SESN3: variants seen among roughly 807,000 people sequenced by gnomAD.
SESN3 encodes sestrin 3.
A neutral mutation model predicts 55.3 loss-of-function variants in SESN3; 21 were observed. That is an observed-to-expected ratio of 0.38 (90% CI 0.27 to 0.55). SESN3 has a LOEUF of 0.55. SESN3 is among the 20% of genes least tolerant of loss of function. SESN3 has a pLI of 0.76. For missense variants in SESN3, 408 were observed against 604.3 expected, an observed-to-expected ratio of 0.68 and a Z score of 3.41; for synonymous variants, 181 against 203.1, an observed-to-expected ratio of 0.89 and a Z score of 0.93.
At position 95,172,911 on chromosome 11, in the gene SESN3, TG is replaced by T; in HGVS notation, c.*343del. 1.1e-5 allele frequency: 2 copies of T among 190,074 alleles called. No homozygotes were observed. Among genetic ancestry groups the T allele is most frequent in the Non-Finnish European group, 1.1e-5 (1 of 94,860 alleles). The allele number at this position is 190,074 out of a possible 1,614,324, so 11.8% of individuals were successfully genotyped here. On this transcript the variant is annotated 3_prime_UTR_variant, in exon 10 of 10. Coordinates refer to ENST00000536441, the MANE Select transcript of SESN3 (RefSeq NM_144665.4). ...TATTCTTAAAAAAAAAAGGGCGGGG[TG>T]GGGGGAGAAAAAATACACATACACA...
chr11:95,212,882 T>A (rs1301830290), intron 1 of SESN3, among the ~76,000 whole-genome samples: 1 of 152,228 alleles, frequency 6.6e-6, no homozygotes, highest in African/African-American at 2.4e-5. Context: ...TTTATCTCAA[T>A]GCATCTTTAA....
At chr11:95,226,257 C>T (rs1860946714) in intron 1 of SESN3, among the ~76,000 whole-genome samples, 2 of 152,158 alleles carry the variant, frequency 1.3e-5, no homozygotes, top group African/African-American at 4.8e-5. Flanking sequence ...CATTAACACA[C>T]ATCTATCTCT....
intron 1 of SESN3, among the ~76,000 whole-genome samples, chr11:95,224,672 A>T (rs1860917004): frequency 6.6e-6 from 1 of 152,210 alleles, no homozygotes; most frequent in Non-Finnish European, 1.5e-5. Flanking sequence ...GGAAGCTTTA[A>T]GGCTACTGGT....
In SESN3 at chr11:95,173,273, T is replaced by C; in HGVS notation, c.1461A>G (p.Ile487Met). The change falls in exon 10 of 10, where the codon ATA becomes ATG. Residue 487 changes from isoleucine to methionine, a missense_variant. This residue lies in a region of SESN3 where 121 missense variants were observed against 204.9 expected (regional missense o/e 0.59). Transcript: ENST00000536441. Reference protein sequence around the residue: ...QAELLYALRAITRHLT With the variant: ...QAELLYALRAMTRHLT ...TGATACTTCAGGTCAAATGCCGAGT[T>C]ATGGCACGAAGAGCATAAAGAAGTT... The C allele has an allele frequency of 6.3e-7, 1 of 1,578,906 alleles. No individual in the cohort carries two copies. Among genetic ancestry groups the C allele is most frequent in the Non-Finnish European group, 8.7e-7 (1 of 1,153,010 alleles).
intron 6 of SESN3, among the ~76,000 whole-genome samples, chr11:95,181,017 ATAGGT>A (rs1242508763): frequency 1.3e-5 from 2 of 152,142 alleles, no homozygotes; most frequent in Non-Finnish European, 2.9e-5. Context: ...AGGTAGTTTT[ATAGGT>A]TGCAAAGTTT....
chr11:95,207,916 C>T (rs1215180056), intron 1 of SESN3, among the ~76,000 whole-genome samples: 2 of 151,008 alleles, frequency 1.3e-5, no homozygotes, highest in Non-Finnish European at 3.0e-5. Flanking sequence ...TCAAGTGATC[C>T]ACCTGCCTGG....
At chr11:95,223,699 A>G (rs986763848) in intron 1 of SESN3, among the ~76,000 whole-genome samples, 6 of 152,314 alleles carry the variant, frequency 3.9e-5, no homozygotes, top group African/African-American at 9.6e-5. Flanking sequence ...TGTCAGTGGT[A>G]TTAAGCTTTT....
In SESN3 at chr11:95,175,517, T is replaced by A. The variant is rs1249266072; in HGVS notation, c.1373A>T (p.Gln458Leu). Residue 458 changes from glutamine (Q) to leucine (L), a missense_variant, in exon 9 of 10, where the codon CAG (glutamine) becomes CTG (leucine). Transcript: ENST00000536441. ...TKRMYDSYWR[Q>L]FKHSEKVHVN... Reference sequence around the variant, plus strand: ...ACGTACTTTTTCTGAGTGTTTGAACTGCCGCCAGTAACTATCATACATGCG... The same window carrying A: ...ACGTACTTTTTCTGAGTGTTTGAACAGCCGCCAGTAACTATCATACATGCG... The A allele has an allele frequency of 6.2e-7, 1 of 1,613,992 alleles. No individual in the cohort carries two copies. Among genetic ancestry groups the A allele is most frequent in the Middle Eastern group, 1.7e-4 (1 of 6,058 alleles).
chr11:95,230,683 C>A lies in SESN3; in HGVS notation c.78+100G>T. ...CTGCGGAGGGACGGTGCCCGGGGAT[C>A]CCTCTCAGCCTCCCCCAGTGCGCGC... On this transcript the variant is annotated intron_variant, in intron 1 of 9. Transcript: ENST00000536441. This position sits in a 1 kb window ranked among gnomAD's most constrained non-coding sequence, Gnocchi z 4.6. 5 of 797,156 alleles carry A rather than the reference C, an allele frequency of 6.3e-6. No individual in the cohort carries two copies. Among genetic ancestry groups the A allele is most frequent in the Non-Finnish European group, 6.1e-6 (3 of 491,262 alleles). The allele number at this position is 797,156 out of a possible 1,614,324, so 49.4% of individuals were successfully genotyped here. A position where few individuals can be genotyped will look rare whatever the true frequency, so the allele number is the denominator to read the frequency against.
In SESN3 at chr11:95,230,903, T is replaced by C. The variant is rs1861047572; in HGVS notation, c.-43A>G. 3.5e-6 allele frequency: 5 copies of C among 1,412,074 alleles called. No individual in the cohort carries two copies. Among genetic ancestry groups the C allele is most frequent in the Admixed American group, 2.6e-5 (1 of 39,078 alleles). 87.5% of individuals were successfully genotyped at this position (1,412,074 alleles called of 1,614,324 possible). A position where few individuals can be genotyped will look rare whatever the true frequency, so the allele number is the denominator to read the frequency against. ...AGGCGAGAGCGGGCGGAGGGCCGGG[T>C]CCGGGCTGTCACTGCGGCCACTGCA... On this transcript the variant is annotated 5_prime_UTR_variant, in exon 1 of 10. Coordinates refer to ENST00000536441, the MANE Select transcript of SESN3 (RefSeq NM_144665.4). This position sits in a 1 kb window ranked among gnomAD's most constrained non-coding sequence, Gnocchi z 4.6.
chr11:95,193,111 C>T (rs935165120), intron 2 of SESN3, among the ~76,000 whole-genome samples: 2 of 151,964 alleles, frequency 1.3e-5, no homozygotes, highest in Non-Finnish European at 2.9e-5. Flanking sequence ...TCGTCCTCAC[C>T]GAGATCAGCT....
chr11:95,221,970 G>T (rs1419069579), intron 1 of SESN3, among the ~76,000 whole-genome samples: 1 of 152,188 alleles, frequency 6.6e-6, no homozygotes, highest in Admixed American at 6.5e-5. Context: ...TTCATAGCTG[G>T]TTTGGGAGAC....
At chr11:95,231,203 G>A, upstream of SESN3, 1 of 407,280 alleles carries the variant, frequency 2.5e-6, no homozygotes, top group Non-Finnish European at 4.3e-6. Flanking sequence ...GCCTCAGTGC[G>A]GCCCCGCCTC....
rs1241633489 is a variant in SESN3, at chr11:95,184,294, A to C, written c.937+126T>G. 3.9e-5 allele frequency: 29 copies of C among 744,320 alleles called. No individual in the cohort carries two copies. In the East Asian group the frequency reaches 6.4e-4, roughly 16 times the overall value. The allele number at this position is 744,320 out of a possible 1,614,324, so 46.1% of individuals were successfully genotyped here. ...AAGCAATAGCATGAGGGTAAGATAG[A>C]AGAGGAGAACTAAATAAGAGAAAGA... On this transcript the variant is annotated intron_variant, in intron 6 of 9. Coordinates refer to ENST00000536441, the MANE Select transcript of SESN3 (RefSeq NM_144665.4).
At chr11:95,210,384 A>G (rs1411817531) in intron 1 of SESN3, among the ~76,000 whole-genome samples, 1 of 152,088 alleles carries the variant, frequency 6.6e-6, no homozygotes, top group Non-Finnish European at 1.5e-5. Context: ...TGTATATGGC[A>G]CTCTACCTTG....
chr11:95,227,893 A>G (rs2134274405), intron 1 of SESN3, among the ~76,000 whole-genome samples: 1 of 152,346 alleles, frequency 6.6e-6, no homozygotes, highest in East Asian at 1.9e-4. Context: ...TAACTTTACA[A>G]AATAAATAGA....
At chr11:95,196,790 G>T (rs780349724) in intron 1 of SESN3, among the ~76,000 whole-genome samples, 2 of 152,180 alleles carry the variant, frequency 1.3e-5, no homozygotes, top group African/African-American at 4.8e-5. Flanking sequence ...AGTTCTACCG[G>T]ACAGTGCTGC....
In SESN3 at chr11:95,191,483, G is replaced by T. The variant is rs755870099; in HGVS notation, c.263C>A (p.Ser88Tyr). The T allele has an allele frequency of 6.2e-7, 1 of 1,613,052 alleles. No homozygotes were observed. Among genetic ancestry groups the T allele is most frequent in the South Asian group, 1.1e-5 (1 of 91,066 alleles). Residue 88 changes from serine (S) to tyrosine (Y), a missense_variant, in exon 3 of 10, where the codon TCT becomes TAT. Physicochemically the swap from Ser to Tyr is moderately radical, Grantham distance 144. This residue lies in a region of SESN3 where 107 missense variants were observed against 211.3 expected (regional missense o/e 0.51). Transcript: ENST00000536441. The part of the protein sequence containing the change: ...VMSLHTQYLE[S>Y]FLRSQFYMLR... ...CATGTAAAACTGGCTCCGCAAGAAA[G>T]ACTCCAGGTACTGAGTGTGTAAACT...
chr11:95,218,353 T>A (rs1269260669), intron 1 of SESN3, among the ~76,000 whole-genome samples: 1 of 152,224 alleles, frequency 6.6e-6, no homozygotes, highest in African/African-American at 2.4e-5. Context: ...AAGTTGCAAG[T>A]CATCACGCTA....
Sources: allele counts gnomAD v4.1 joint callset (sites outside exome capture counted in the v4.1 genomes callset), GRCh38; gene constraint gnomAD v4.1.1; regional missense constraint gnomAD v4.1.1; non-coding constraint Gnocchi (gnomAD v3.1); transcripts MANE v1.5; gene names NCBI Gene and HGNC (gene_info 2026-07-23, HGNC 2026-07-21).